VAV3: variants seen among roughly 807,000 people sequenced by gnomAD.
The protein encoded by VAV3 is vav guanine nucleotide exchange factor 3.
In VAV3, 94 loss-of-function variants were observed where a neutral mutation model predicts 131.2. The ratio of observed to expected loss-of-function variants is 0.72; its 90% CI spans 0.61 to 0.85. VAV3 has a LOEUF of 0.85. VAV3 is among the 40% of genes least tolerant of loss of function. The pLI is 0.00. For synonymous variants in VAV3, 349 were observed against 342.0 expected (o/e 1.02, Z -0.22); for missense variants, 939 against 1,002.7 (o/e 0.94, Z 0.86).
In VAV3 at chr1:107,964,544, A is replaced by AT. The variant is rs1675321962; in HGVS notation, c.204+121_204+122insA. On this transcript the variant is annotated intron_variant, in intron 1 of 26. Coordinates refer to ENST00000370056, the MANE Select transcript of VAV3 (RefSeq NM_006113.5). ...AGTGGTGCCGAAGTGGTCCCAAAGC[A>AT]GAAGGCTGGGAAGCAGGGCAAGCTC... The AT allele has an allele frequency of 6.2e-6, 7 of 1,123,164 alleles. No homozygotes were observed. In the East Asian group the frequency reaches 1.9e-4, roughly 30 times the overall value. 69.6% of individuals were successfully genotyped at this position (1,123,164 alleles called of 1,614,324 possible). A position where few individuals can be genotyped will look rare whatever the true frequency, so the allele number is the denominator to read the frequency against.
In VAV3 at chr1:107,733,091, A is replaced by C. The variant is rs181545898; in HGVS notation, c.1502+15877T>G. On this transcript the variant is annotated intron_variant, in intron 15 of 26. Transcript: ENST00000370056. ...AGCCTCTGCTGGTGATACCAAGGAA[A>C]ACAGGGTCTGGAGTGGACCTCCAGC... Among the ~76,000 whole-genome samples the C allele has an allele frequency of 1.8e-4, 28 of 152,322 alleles. No homozygotes were observed. The East Asian group carries it at 5.0e-3, about 27-fold the overall frequency.
At chr1:107,777,711 T>A (rs1306642932) in intron 3 of VAV3, 1 of 178,844 alleles carries the variant, frequency 5.6e-6, no homozygotes, top group Non-Finnish European at 1.2e-5. Context: ...TGGGATCTGA[T>A]AACAAATAAT....
chr1:107,669,454 T>C, intron 19 of VAV3: 1 of 1,289,474 alleles, frequency 7.8e-7, no homozygotes, highest in Non-Finnish European at 1.0e-6. Context: ...AATAAAGAAA[T>C]GAAGGAGACA....
intron 1 of VAV3, among the ~76,000 whole-genome samples, chr1:107,902,344 A>C (rs1671901995): frequency 6.6e-6 from 1 of 152,164 alleles, no homozygotes. Context: ...TAATTGTTTC[A>C]ATTTTTTTTA....
intron 15 of VAV3, among the ~76,000 whole-genome samples, chr1:107,725,369 C>T (rs575794328): frequency 6.6e-6 from 1 of 152,284 alleles, no homozygotes; most frequent in South Asian, 2.1e-4. Context: ...CTGAATGGAG[C>T]TTTCCACAGA....
intron 15 of VAV3, among the ~76,000 whole-genome samples, chr1:107,709,526 T>C (rs1557781151): frequency 6.6e-6 from 1 of 152,226 alleles, no homozygotes; most frequent in African/African-American, 2.4e-5. Context: ...TTTACTTACA[T>C]ATATCCTCTC....
chr1:107,698,638 A>T (rs1659891205), intron 17 of VAV3, among the ~76,000 whole-genome samples: 1 of 152,204 alleles, frequency 6.6e-6, no homozygotes, highest in Admixed American at 6.5e-5. Flanking sequence ...TTAAAATCTA[A>T]GTGTTATTAT....
At chr1:107,804,134 T>C (rs1256589131) in intron 2 of VAV3, among the ~76,000 whole-genome samples, 1 of 152,102 alleles carries the variant, frequency 6.6e-6, no homozygotes, top group Non-Finnish European at 1.5e-5. Context: ...TGTGTCTTCA[T>C]AGGTGAGGTG....
intron 2 of VAV3, among the ~76,000 whole-genome samples, chr1:107,849,623 A>G (rs1368885736): frequency 6.6e-6 from 1 of 151,898 alleles, no homozygotes; most frequent in African/African-American, 2.4e-5. Flanking sequence ...TAAAAACCCT[A>G]GTAGAAAACC....
At chr1:107,735,780 A>T (rs572050912) in intron 15 of VAV3, among the ~76,000 whole-genome samples, 2 of 152,086 alleles carry the variant, frequency 1.3e-5, no homozygotes, top group African/African-American at 2.4e-5. Context: ...CCAGATACAA[A>T]AAGGAGGTGG....
At chr1:107,964,482 G>A (rs1393943900) in intron 1 of VAV3, 184 bp downstream of exon 1, 5 of 594,560 alleles carry the variant, frequency 8.4e-6, no homozygotes, top group East Asian at 2.9e-5. Context: ...TCAGCTTGAG[G>A]AGCTAAACCA....
intron 20 of VAV3, among the ~76,000 whole-genome samples, chr1:107,631,180 G>T (rs1308793401): frequency 6.6e-6 from 1 of 151,826 alleles, no homozygotes; most frequent in African/African-American, 2.4e-5. Context: ...AAAATATACT[G>T]TTTTATTTAC....
chr1:107,753,503 T>TATATACACACACAC (rs1303346527), intron 12 of VAV3, among the ~76,000 whole-genome samples: 3 of 94,414 alleles, frequency 3.2e-5, no homozygotes, highest in African/African-American at 7.9e-5. Context: ...TACACACATA[T>TATATACACACACAC]ATATACACAC....
chr1:107,918,846 C>T (rs958502499), intron 1 of VAV3, among the ~76,000 whole-genome samples: 1 of 151,562 alleles, frequency 6.6e-6, no homozygotes, highest in African/African-American at 2.4e-5. Context: ...GCTGGGATTA[C>T]AGACATCCAC....
At chr1:107,778,514 T>C (rs941145459) in intron 3 of VAV3, among the ~76,000 whole-genome samples, 6 of 152,198 alleles carry the variant, frequency 3.9e-5, no homozygotes, top group Admixed American at 2.6e-4. Flanking sequence ...ACCATATACA[T>C]AGAAAGCTGC....
At chr1:107,793,026 GATAA>G (rs1335342750) in intron 2 of VAV3, among the ~76,000 whole-genome samples, 15 of 152,080 alleles carry the variant, frequency 9.9e-5, no homozygotes, top group South Asian at 2.1e-4. Context: ...CAAAAATGAC[GATAA>G]ATAAGTGTCA....
chr1:107,749,146 C>G, intron 14 of VAV3, 69 bp from the exon 15 acceptor site: 1 of 1,127,948 alleles, frequency 8.9e-7, no homozygotes, highest in South Asian at 1.4e-5. Flanking sequence ...CACAAGAATA[C>G]CACAACTATC....
chr1:107,867,415 C>G (rs1418174160), intron 2 of VAV3, among the ~76,000 whole-genome samples: 1 of 152,014 alleles, frequency 6.6e-6, no homozygotes, highest in Admixed American at 6.6e-5. Flanking sequence ...CATTAAATAC[C>G]CCTACAAAAG....
At chr1:107,597,596 A>G (rs1357560516) in intron 24 of VAV3, among the ~76,000 whole-genome samples, 1 of 152,184 alleles carries the variant, frequency 6.6e-6, no homozygotes, top group African/African-American at 2.4e-5. Context: ...CTTAAACTGA[A>G]GAACTAGTAA....
Sources: gnomAD v4.1 joint callset for allele counts (sites outside exome capture counted in the v4.1 genomes callset) on GRCh38, gnomAD v4.1.1 for gene constraint, MANE v1.5 for transcripts, NCBI Gene and HGNC (gene_info 2026-07-23, HGNC 2026-07-21) for gene names.